The following PLA2G4C variants were observed in gnomAD, a reference collection of about 807,000 sequenced individuals.
PLA2G4C encodes the protein cytosolic phospholipase A2 gamma.
A neutral mutation model predicts 73.8 loss-of-function variants in PLA2G4C; 64 were observed. That is an observed-to-expected ratio of 0.87 (90% CI 0.71 to 1.07). The LOEUF (loss-of-function observed/expected upper bound fraction) is 1.07. Among genes scored for constraint, PLA2G4C ranks in the 50% least tolerant of loss-of-function variants. The probability of loss-of-function intolerance (pLI) is 0.00; values close to 1 mark genes in which losing one functional copy is unlikely to be tolerated. For synonymous variants in PLA2G4C, 254 were observed against 252.1 expected (o/e 1.01, Z -0.07); for missense variants, 622 against 665.4 (o/e 0.93, Z 0.72).
intron 14 of PLA2G4C, among the ~76,000 whole-genome samples, chr19:48,060,948 A>G (rs561925510): frequency 6.6e-6 from 1 of 152,272 alleles, no homozygotes; most frequent in East Asian, 1.9e-4. Context: ...ACTACTATGT[A>G]TTGGTATGTA....
rs2122194305 is a variant in PLA2G4C at position 48,110,779 on chromosome 19, G to T, written c.-325C>A. The T allele has an allele frequency of 2.5e-6, 1 of 395,426 alleles. No homozygotes were observed. The highest frequency in any genetic ancestry group is 4.5e-5 in the Admixed American group (1 of 22,110). 24.5% of individuals were successfully genotyped at this position (395,426 alleles called of 1,614,324 possible). On this transcript the variant is annotated 5_prime_UTR_variant, in exon 1 of 17. Coordinates refer to ENST00000599921, the MANE Select transcript of PLA2G4C (RefSeq NM_003706.3). ...CTGCGCCTTTAAACAGCCCTCCTCG[G>T]CTTGTAGGCCCTGCTTGGTTGCTCC...
intron 13 of PLA2G4C, among the ~76,000 whole-genome samples, chr19:48,063,075 C>T (rs1482535619): frequency 1.3e-5 from 2 of 151,986 alleles, no homozygotes; most frequent in Non-Finnish European, 2.9e-5. Flanking sequence ...GAAGGAGTCT[C>T]GTTCTGTTGC....
At chr19:48,062,823 G>A (rs1006163296) in intron 13 of PLA2G4C, among the ~76,000 whole-genome samples, 1 of 152,160 alleles carries the variant, frequency 6.6e-6, no homozygotes, top group Non-Finnish European at 1.5e-5. Context: ...GGTCAGTGTA[G>A]AAAGTTTATT....
chr19:48,071,306 T>C (rs1352224468), intron 12 of PLA2G4C, among the ~76,000 whole-genome samples: 1 of 152,148 alleles, frequency 6.6e-6, no homozygotes. Context: ...TTCTTTTTTT[T>C]TGAGACAGAG....
intron 10 of PLA2G4C, among the ~76,000 whole-genome samples, chr19:48,079,602 A>G (rs1408642137): frequency 1.3e-5 from 2 of 152,210 alleles, no homozygotes; most frequent in Admixed American, 1.3e-4. Flanking sequence ...AACATCAAAA[A>G]AACTCTTCTA....
chr19:48,098,645 G>A (rs898293560), intron 5 of PLA2G4C, among the ~76,000 whole-genome samples: 1 of 143,522 alleles, frequency 7.0e-6, no homozygotes, highest in African/African-American at 2.6e-5. Context: ...TTGGGAGGCT[G>A]AGGTGGAAGG....
chr19:48,065,566 G>C (rs1374935732), intron 13 of PLA2G4C, among the ~76,000 whole-genome samples: 1 of 151,020 alleles, frequency 6.6e-6, no homozygotes, highest in Non-Finnish European at 1.5e-5. Flanking sequence ...CTGCAGCCTG[G>C]GTGACAGAGC....
intron 15 of PLA2G4C, among the ~76,000 whole-genome samples, chr19:48,053,735 A>G (rs1312696832): frequency 6.6e-6 from 1 of 152,178 alleles, no homozygotes; most frequent in African/African-American, 2.4e-5. Flanking sequence ...CTGATGCAGC[A>G]TAGGTAACCA....
intron 1 of PLA2G4C, among the ~76,000 whole-genome samples, chr19:48,107,164 G>A (rs1461534864): frequency 6.6e-6 from 1 of 150,860 alleles, no homozygotes; most frequent in East Asian, 2.0e-4. Flanking sequence ...GGTTTTTTAA[G>A]GAAACTTTGG....
At chr19:48,076,659 C>A (rs1342107332) in intron 11 of PLA2G4C, among the ~76,000 whole-genome samples, 3 of 151,686 alleles carry the variant, frequency 2.0e-5, no homozygotes, top group Non-Finnish European at 2.9e-5. Context: ...AGGAGAATAG[C>A]TTGAACCTGG....
At chr19:48,074,018 C>T (rs538122352) in intron 12 of PLA2G4C, among the ~76,000 whole-genome samples, 7 of 152,056 alleles carry the variant, frequency 4.6e-5, no homozygotes, top group Admixed American at 1.3e-4. Flanking sequence ...ATGTGCAGGA[C>T]GTGTAGATTT....
rs1424158723 is a variant in PLA2G4C, at chr19:48,072,447, G to T, written c.1006+2320C>A. 1 of 152,188 alleles carries T rather than the reference G, an allele frequency of 6.6e-6. No individual in the cohort carries two copies. The highest frequency in any genetic ancestry group is 1.5e-5 in the Non-Finnish European group (1 of 68,036). The allele number at this position is 152,188 out of a possible 1,614,324, so 9.4% of individuals were successfully genotyped here. A position where few individuals can be genotyped will look rare whatever the true frequency, so the allele number is the denominator to read the frequency against. ...TTCCATCTCTCTCCATTACCCACCGGAGGGGTAAACCCAAGCCTCTCATCT... is the reference window on the plus strand; with the variant it reads ...TTCCATCTCTCTCCATTACCCACCGTAGGGGTAAACCCAAGCCTCTCATCT... On this transcript the variant is annotated intron_variant, in intron 12 of 16. Transcript: ENST00000599921. The surrounding 1 kb of genome is among the most constrained non-coding windows in gnomAD (Gnocchi z 4.4).
At chr19:48,097,558 T>A (rs1568449565) in intron 6 of PLA2G4C, among the ~76,000 whole-genome samples, 1 of 151,300 alleles carries the variant, frequency 6.6e-6, no homozygotes, top group African/African-American at 2.4e-5. Flanking sequence ...GGCCCCTTTT[T>A]GTCTTTTGTC....
intron 10 of PLA2G4C, among the ~76,000 whole-genome samples, chr19:48,081,989 G>C (rs1041975957): frequency 1.3e-5 from 2 of 151,876 alleles, no homozygotes; most frequent in African/African-American, 4.8e-5. Flanking sequence ...GCTGAGGCAG[G>C]AGAAGCACTT....
rs543342079 is a variant in PLA2G4C, at chr19:48,110,268, C to A, written c.-33+219G>T. The stretch of plus-strand genomic sequence containing the variant: ...GGTTGAGGCAGGAGAATCGCTTGAA[C>A]CCCGGAGGCGGAGCTTGCCGTGAGC... On this transcript the variant is annotated intron_variant, in intron 1 of 16. Transcript: ENST00000599921. Among the ~76,000 whole-genome samples the A allele has an allele frequency of 3.5e-3, 531 of 151,900 alleles. 3 individuals are homozygous for A. The highest frequency in any genetic ancestry group is 0.012 in the African/African-American group (511 of 41,422).
intron 14 of PLA2G4C, among the ~76,000 whole-genome samples, chr19:48,057,480 CTTCTT>C (rs1208470940): frequency 4.3e-3 from 120 of 28,068 alleles, no homozygotes; most frequent in African/African-American, 0.012. Context: ...TCTTCTTCTT[CTTCTT>C]TTTTTTTTTT....
intron 8 of PLA2G4C, among the ~76,000 whole-genome samples, chr19:48,089,402 G>A (rs1393705604): frequency 6.6e-6 from 1 of 152,130 alleles, no homozygotes; most frequent in Non-Finnish European, 1.5e-5. Context: ...GGGCAACAGA[G>A]CAAAACTCTG....
chr19:48,065,986 G>C (rs191636595), intron 13 of PLA2G4C, among the ~76,000 whole-genome samples: 24 of 152,050 alleles, frequency 1.6e-4, no homozygotes, highest in African/African-American at 5.5e-4. Context: ...CCAGCTACTC[G>C]GGAGGCAGGA....
chr19:48,090,113 A>T (rs1275207684), intron 8 of PLA2G4C: 2 of 476,140 alleles, frequency 4.2e-6, no homozygotes, highest in African/African-American at 1.9e-5. Flanking sequence ...AGGCACAGAG[A>T]GGTTAAGTAA....
Sources: allele counts gnomAD v4.1 joint callset (sites outside exome capture counted in the v4.1 genomes callset), GRCh38; gene constraint gnomAD v4.1.1; non-coding constraint Gnocchi (gnomAD v3.1); transcripts MANE v1.5; gene names NCBI Gene and HGNC (gene_info 2026-07-23, HGNC 2026-07-21).